The following TMEM9B variants were observed in gnomAD, a reference collection of about 807,000 sequenced individuals.
TMEM9B encodes the protein transmembrane protein 9B.
In TMEM9B, 8 loss-of-function variants were observed where a neutral mutation model predicts 23.5. The observed-to-expected ratio is 0.34, with a 90% CI of 0.20 to 0.61. TMEM9B has a LOEUF of 0.61. Ranked by LOEUF, TMEM9B falls within the 20% of genes least tolerant of loss-of-function variation. The pLI is 0.78. For synonymous variants in TMEM9B, 106 were observed against 96.3 expected, an observed-to-expected ratio of 1.10 and a Z score of -0.59; for missense variants, 197 against 252.3, an observed-to-expected ratio of 0.78 and a Z score of 1.49.
In TMEM9B at chr11:8,948,155, G is replaced by A. The variant is rs1853806176; in HGVS notation, c.*165C>T. ...CTTTTAAAAATGTCTCTATTATTAC[G>A]TTAACAAGAAAAAAAAATCAAGCAA... is the stretch of plus-strand genomic sequence containing the variant. On this transcript the variant is annotated 3_prime_UTR_variant, in exon 5 of 5. Coordinates refer to ENST00000534025, the MANE Select transcript of TMEM9B (RefSeq NM_020644.3). The A allele has an allele frequency of 1.0e-5, 8 of 785,966 alleles. No homozygotes were observed. Among genetic ancestry groups the A allele is most frequent in the Admixed American group, 9.7e-5 (3 of 31,014 alleles). The allele number at this position is 785,966 out of a possible 1,614,324, so 48.7% of individuals were successfully genotyped here.
chr11:8,952,996 T>C, intron 4 of TMEM9B: 2 of 652,208 alleles, frequency 3.1e-6, no homozygotes, highest in East Asian at 5.4e-5. Flanking sequence ...TCACCAAAGA[T>C]CATCGTTTAA....
At chr11:8,960,153 T>C (rs1854050096) in intron 2 of TMEM9B, among the ~76,000 whole-genome samples, 2 of 146,224 alleles carry the variant, frequency 1.4e-5, no homozygotes, top group African/African-American at 2.5e-5. Context: ...TTTTTTTTTT[T>C]TTTTTTTGAG....
intron 3 of TMEM9B, among the ~76,000 whole-genome samples, chr11:8,955,811 A>G (rs907933910): frequency 6.6e-6 from 1 of 152,142 alleles, no homozygotes; most frequent in Non-Finnish European, 1.5e-5. Context: ...GGAAATGAAG[A>G]GGGGAAATCT....
chr11:8,951,858 C>G (rs1310881813), intron 4 of TMEM9B, among the ~76,000 whole-genome samples: 1 of 152,040 alleles, frequency 6.6e-6, no homozygotes, highest in African/African-American at 2.4e-5. Flanking sequence ...GTAATCCCAG[C>G]ACTTTGGGAG....
chr11:8,963,919 C>T (rs1854129457), intron 1 of TMEM9B: 5 of 453,590 alleles, frequency 1.1e-5, no homozygotes, highest in African/African-American at 4.2e-5. Context: ...GCAGCCGGGG[C>T]TGGGAAGGGA....
At chr11:8,951,695 T>C (rs916320124) in intron 4 of TMEM9B, among the ~76,000 whole-genome samples, 10 of 150,892 alleles carry the variant, frequency 6.6e-5, no homozygotes, top group Admixed American at 6.6e-4. Flanking sequence ...GAGGCGGAGC[T>C]TGCAGTGCGC....
rs570377158 is a variant in TMEM9B at position 8,954,768 on chromosome 11, A to G, written c.306+1422T>C. On this transcript the variant is annotated intron_variant, in intron 3 of 4. Coordinates refer to ENST00000534025, the MANE Select transcript of TMEM9B (RefSeq NM_020644.3). Reference sequence around the variant, plus strand: ...GAGCAAGAGCTCTTCCACAGGGTCAATCACAGCAGAAATGTTTGTGACTAT... The same window carrying G: ...GAGCAAGAGCTCTTCCACAGGGTCAGTCACAGCAGAAATGTTTGTGACTAT... 1.8e-4 allele frequency among the ~76,000 whole-genome samples: 27 copies of G among 152,346 alleles called. No homozygotes were observed. The South Asian group carries it at 4.8e-3, about 27-fold the overall frequency.
upstream of TMEM9B, chr11:8,964,542 G>C (rs958415726): frequency 6.8e-5 from 88 of 1,301,800 alleles, no homozygotes; most frequent in Non-Finnish European, 8.2e-5. Flanking sequence ...GGCAGTCCTG[G>C]TGCCCGCCTT....
At chr11:8,960,165 C>G (rs1227783554) in intron 2 of TMEM9B, among the ~76,000 whole-genome samples, 3 of 111,038 alleles carry the variant, frequency 2.7e-5, no homozygotes, top group Non-Finnish European at 5.1e-5. Flanking sequence ...TTTTTTGAGA[C>G]AGAGTCATGC....
At position 8,948,163 on chromosome 11, in the gene TMEM9B, GA is replaced by G. The variant is rs202031448; in HGVS notation, c.*156del. On this transcript the variant is annotated 3_prime_UTR_variant, in exon 5 of 5. Coordinates refer to ENST00000534025, the MANE Select transcript of TMEM9B (RefSeq NM_020644.3). Reference sequence around the variant, plus strand: ...AATGTCTCTATTATTACGTTAACAAGAAAAAAAAATCAAGCAAGTTTTTGCT... The same window carrying G: ...AATGTCTCTATTATTACGTTAACAAGAAAAAAAATCAAGCAAGTTTTTGCT... The G allele has an allele frequency of 1.7e-4, 150 of 868,686 alleles. No individual in the cohort carries two copies. Among genetic ancestry groups the G allele is most frequent in the Non-Finnish European group, 2.0e-4 (115 of 586,206 alleles). 53.8% of individuals were successfully genotyped at this position (868,686 alleles called of 1,614,324 possible). A position where few individuals can be genotyped will look rare whatever the true frequency, so the allele number is the denominator to read the frequency against.
In TMEM9B at chr11:8,955,729, T is replaced by G. The variant is rs193192534; in HGVS notation, c.306+461A>C. Among the ~76,000 whole-genome samples, 73 of 152,172 alleles carry G rather than the reference T, an allele frequency of 4.8e-4. 1 individual carries two copies. The Middle Eastern group carries it at 0.014, about 28-fold the overall frequency. On this transcript the variant is annotated intron_variant, in intron 3 of 4. Transcript: ENST00000534025. The stretch of plus-strand genomic sequence containing the variant: ...GCTCACTTGCCCACTGCTCACCTCC[T>G]GCTGAGTGGCCCAGTTCCTAACAGA...
chr11:8,959,323 A>G (rs1854032928), intron 2 of TMEM9B, among the ~76,000 whole-genome samples: 1 of 152,212 alleles, frequency 6.6e-6, no homozygotes, highest in African/African-American at 2.4e-5. Flanking sequence ...CTGTAGTCCC[A>G]GCTACACAGG....
chr11:8,962,100 CTGAGA>C lies in TMEM9B; in HGVS notation c.184_188del (p.Ser62GlufsTer4), dbSNP rs776401863. 5 of 1,582,636 alleles carry C rather than the reference CTGAGA, an allele frequency of 3.2e-6. No homozygotes were observed. The highest frequency in any genetic ancestry group is 3.4e-6 in the Non-Finnish European group (4 of 1,163,528). ...GTAATCCAGATACTTACCAATCTTT[CTGAGA>C]TATGTTCTTATTATAAATATGCCCA... On this transcript the variant is annotated frameshift_variant, in exon 2 of 5. Coordinates refer to ENST00000534025, the MANE Select transcript of TMEM9B (RefSeq NM_020644.3). LOFTEE classifies it high-confidence loss of function.
chr11:8,953,416 CTGACA>C (rs1215532821), intron 3 of TMEM9B, 79 bp from the exon 4 acceptor site: 7 of 1,399,424 alleles, frequency 5.0e-6, no homozygotes, highest in Non-Finnish European at 6.9e-6. Context: ...GTAAAACTGA[CTGACA>C]TATCTGCTAA....
intron 1 of TMEM9B, among the ~76,000 whole-genome samples, chr11:8,963,542 G>A (rs1015138273): frequency 6.6e-6 from 1 of 152,214 alleles, no homozygotes; most frequent in Non-Finnish European, 1.5e-5. Flanking sequence ...CACCTCTCTT[G>A]CAGTTTGGTT....
rs145206975 is a variant in TMEM9B, at chr11:8,964,251, C to A, written c.63G>T (p.Ala21=). Residue 21 remains alanine (A), a synonymous_variant, in exon 1 of 5, where the codon GCG becomes GCT. Transcript: ENST00000534025. ...GCTGCGCCAGCAGCAGCACGGAAAG[C>A]GCCAGGCACGACAGGCTGAGCAAGG... The part of the protein sequence containing the change: ...LGSLLSLSCL[A]LSVLLLAQLS... The A allele has an allele frequency of 6.3e-7, 1 of 1,596,398 alleles. No individual in the cohort carries two copies. Among genetic ancestry groups the A allele is most frequent in the Non-Finnish European group, 8.5e-7 (1 of 1,172,384 alleles).
At chr11:8,964,527 G>T (rs1854162692), upstream of TMEM9B, 5 of 1,372,166 alleles carry the variant, frequency 3.6e-6, no homozygotes, top group Non-Finnish European at 4.7e-6. Flanking sequence ...AGGGCCGGGA[G>T]GCTGGGCAGT....
intron 2 of TMEM9B, 122 bp downstream of exon 2, chr11:8,961,970 T>C: frequency 1.5e-6 from 1 of 658,102 alleles, no homozygotes; most frequent in Non-Finnish European, 2.5e-6. Flanking sequence ...AAGTAGAATT[T>C]CACATTTTTG....
At chr11:8,962,283 A>T in intron 1 of TMEM9B, 100 bp from the exon 2 acceptor site, 1 of 705,242 alleles carries the variant, frequency 1.4e-6, no homozygotes, top group Non-Finnish European at 2.3e-6. Flanking sequence ...TCTTTAGAAT[A>T]CCAAGTATTC....
Sources: allele counts gnomAD v4.1 joint callset (sites outside exome capture counted in the v4.1 genomes callset), GRCh38; gene constraint gnomAD v4.1.1; transcripts MANE v1.5; gene names NCBI Gene and HGNC (gene_info 2026-07-23, HGNC 2026-07-21).